Variants in STXBP3 observed in about 807,000 individuals in gnomAD.
STXBP3 encodes the protein syntaxin binding protein 3, also known as syntaxin-binding protein 3.
In STXBP3, 41 loss-of-function variants were observed where a neutral mutation model predicts 85.7. The observed-to-expected ratio is 0.48, with a 90% CI of 0.37 to 0.62. The LOEUF is 0.62. STXBP3 is among the 20% of genes least tolerant of loss of function. The pLI, the probability that STXBP3 is intolerant of heterozygous loss-of-function variation, is 0.00. For synonymous variants in STXBP3, 229 were observed against 231.7 expected (o/e 0.99, Z 0.10); for missense variants, 563 against 703.1 (o/e 0.80, Z 2.25).
rs546305261 is a variant in STXBP3 at position 108,748,832 on chromosome 1, A to G, written c.49+2046A>G. The stretch of plus-strand genomic sequence containing the variant: ...GGTGACAGAGCATAACTCAGTCTCA[A>G]AAAACAAAAACAAAAATTATTTGGG... On this transcript the variant is annotated intron_variant, in intron 1 of 18. Coordinates refer to ENST00000370008, the MANE Select transcript of STXBP3 (RefSeq NM_007269.4). Among the ~76,000 whole-genome samples the G allele has an allele frequency of 2.0e-5, 3 of 152,312 alleles. No homozygotes were observed. The East Asian group carries it at 5.8e-4, about 29-fold the overall frequency.
intron 7 of STXBP3, among the ~76,000 whole-genome samples, chr1:108,774,008 C>T (rs980933304): frequency 1.6e-4 from 24 of 152,120 alleles, no homozygotes; most frequent in African/African-American, 5.6e-4. Flanking sequence ...TGATCCCTCC[C>T]AGCTCTCCCG....
chr1:108,751,355 T>C (rs1422812468), intron 1 of STXBP3, among the ~76,000 whole-genome samples: 1 of 152,178 alleles, frequency 6.6e-6, no homozygotes, highest in Non-Finnish European at 1.5e-5. Flanking sequence ...CCACAGTAAC[T>C]GTTATTATTT....
In STXBP3 at chr1:108,759,982, C is replaced by T. The variant is rs1662103401; in HGVS notation, c.338-3C>T. 3.3e-6 allele frequency: 5 copies of T among 1,537,370 alleles called. No homozygotes were observed. The East Asian group carries it at 7.2e-5, about 22-fold the overall frequency. On this transcript the variant is annotated splice_polypyrimidine_tract_variant and splice_region_variant and intron_variant, in intron 5 of 18. Coordinates refer to ENST00000370008, the MANE Select transcript of STXBP3 (RefSeq NM_007269.4). ...TATATGCTTTGTTTTTTTTTCCCCT[C>T]AGTTTGCCCTGATAATCTCTTTAAC...
intron 11 of STXBP3, among the ~76,000 whole-genome samples, chr1:108,783,283 A>G (rs1226589945): frequency 6.6e-6 from 1 of 152,224 alleles, no homozygotes; most frequent in African/African-American, 2.4e-5. Flanking sequence ...TTAAATTTAT[A>G]CTGGATAACT....
chr1:108,747,120 C>G (rs1040868170), intron 1 of STXBP3, among the ~76,000 whole-genome samples: 3 of 152,142 alleles, frequency 2.0e-5, no homozygotes, highest in Non-Finnish European at 1.5e-5. Context: ...GCCGCGCTCC[C>G]CACTCTTCTC....
chr1:108,791,885 A>G (rs961204118), intron 11 of STXBP3, among the ~76,000 whole-genome samples: 1 of 152,160 alleles, frequency 6.6e-6, no homozygotes, highest in African/African-American at 2.4e-5. Flanking sequence ...AGAATGTCCA[A>G]TGAATGGAGT....
chr1:108,755,880 T>C (rs768293537), intron 3 of STXBP3, among the ~76,000 whole-genome samples: 4 of 152,186 alleles, frequency 2.6e-5, no homozygotes, highest in Non-Finnish European at 5.9e-5. Context: ...ATTACTAATA[T>C]ACATTTAGGA....
chr1:108,754,344 A>G (rs1313926214), intron 3 of STXBP3, among the ~76,000 whole-genome samples: 1 of 152,000 alleles, frequency 6.6e-6, no homozygotes, highest in Admixed American at 6.6e-5. Context: ...CCATAAAGTA[A>G]CCTTTATTGT....
chr1:108,755,207 A>G (rs1207900091), intron 3 of STXBP3, among the ~76,000 whole-genome samples: 1 of 152,140 alleles, frequency 6.6e-6, no homozygotes, highest in Non-Finnish European at 1.5e-5. Context: ...GCACTTCGGG[A>G]GGCTGAGGCA....
intron 3 of STXBP3, among the ~76,000 whole-genome samples, chr1:108,755,378 T>G (rs1413979720): frequency 6.6e-6 from 1 of 151,960 alleles, no homozygotes; most frequent in Admixed American, 6.6e-5. Context: ...GCCAGGGAAG[T>G]CAAGGCTGCA....
Position 108,746,683 on chromosome 1 carries a change from G to A in STXBP3, c.-55G>A. On this transcript the variant is annotated 5_prime_UTR_variant, in exon 1 of 19. Coordinates refer to ENST00000370008, the MANE Select transcript of STXBP3 (RefSeq NM_007269.4). ...GGGCCACCCCAACGCCGCTTCTGCG[G>A]CCAAAGTAGGTTGGGAGTGGAAGGT... 1.9e-6 allele frequency: 3 copies of A among 1,546,742 alleles called. No homozygotes were observed. The highest frequency in any genetic ancestry group is 2.5e-5 in the East Asian group (1 of 40,676).
chr1:108,795,220 T>C (rs1007891281), intron 13 of STXBP3, among the ~76,000 whole-genome samples: 2 of 152,184 alleles, frequency 1.3e-5, no homozygotes, highest in Non-Finnish European at 1.5e-5. Context: ...GGATTTAATA[T>C]AGCATCCAGC....
At chr1:108,773,894 G>A (rs1662527529) in intron 7 of STXBP3, among the ~76,000 whole-genome samples, 1 of 151,848 alleles carries the variant, frequency 6.6e-6, no homozygotes, top group African/African-American at 2.4e-5. Context: ...ATTTGAGGAC[G>A]TGCTAGATAT....
intron 17 of STXBP3, among the ~76,000 whole-genome samples, chr1:108,806,881 G>A (rs1570778326): frequency 6.6e-6 from 1 of 151,176 alleles, no homozygotes; most frequent in East Asian, 1.9e-4. Context: ...TGCATGATTT[G>A]TTAGAATTGT....
intron 4 of STXBP3, among the ~76,000 whole-genome samples, chr1:108,758,129 T>A (rs1662058909): frequency 6.6e-6 from 1 of 152,134 alleles, no homozygotes; most frequent in African/African-American, 2.4e-5. Context: ...TCGTTATCCA[T>A]GTAGATGATA....
At chr1:108,753,417 A>ATC (rs398069547) in intron 3 of STXBP3, among the ~76,000 whole-genome samples, 1 of 151,278 alleles carries the variant, frequency 6.6e-6, no homozygotes, top group Non-Finnish European at 1.5e-5. Context: ...ATATATATAT[A>ATC]AAACAATTTT....
In STXBP3 at chr1:108,809,042, T is replaced by C; in HGVS notation, c.*165T>C. ...TTATGATTATTACTGGATTTGTCAT[T>C]TTTGATAATTTAAATATTGCTGCTG... On this transcript the variant is annotated 3_prime_UTR_variant, in exon 19 of 19. Transcript: ENST00000370008. 3 of 529,114 alleles carry C rather than the reference T, an allele frequency of 5.7e-6. No individual in the cohort carries two copies. Among genetic ancestry groups the C allele is most frequent in the Non-Finnish European group, 9.7e-6 (3 of 308,074 alleles). The allele number at this position is 529,114 out of a possible 1,614,324, so 32.8% of individuals were successfully genotyped here. A position where few individuals can be genotyped will look rare whatever the true frequency, so the allele number is the denominator to read the frequency against.
intron 11 of STXBP3, 30 bp downstream of exon 11, chr1:108,782,736 T>A: frequency 6.5e-7 from 1 of 1,532,160 alleles, no homozygotes; most frequent in Non-Finnish European, 8.8e-7. Context: ...TTCAAAGTAA[T>A]AGTGAAGGTG....
intron 11 of STXBP3, among the ~76,000 whole-genome samples, chr1:108,782,983 G>A (rs1396116604): frequency 2.6e-5 from 4 of 152,170 alleles, no homozygotes; most frequent in African/African-American, 4.8e-5. Flanking sequence ...GCTCACTGCA[G>A]TCTCCGCCTC....
Sources: gnomAD v4.1 joint callset for allele counts (sites outside exome capture counted in the v4.1 genomes callset) on GRCh38, gnomAD v4.1.1 for gene constraint, MANE v1.5 for transcripts, NCBI Gene and HGNC (gene_info 2026-07-23, HGNC 2026-07-21) for gene names.